WDPCP: variants seen among roughly 807,000 people sequenced by gnomAD.
WDPCP encodes WD repeat-containing and planar cell polarity effector protein fritz homolog.
In WDPCP, 71 loss-of-function variants were observed where a neutral mutation model predicts 93.1. The observed-to-expected ratio is 0.76, with a 90% CI of 0.63 to 0.93. The LOEUF (loss-of-function observed/expected upper bound fraction) is 0.93. WDPCP is among the 40% of genes least tolerant of loss of function. The pLI is 0.00. For synonymous variants in WDPCP, 315 were observed against 315.0 expected, an observed-to-expected ratio of 1.00 and a Z score of 0.00; for missense variants, 844 against 887.4, an observed-to-expected ratio of 0.95 and a Z score of 0.62.
intron 13 of WDPCP, among the ~76,000 whole-genome samples, chr2:63,269,288 T>G (rs1271431725): frequency 6.6e-6 from 1 of 152,202 alleles, no homozygotes. Context: ...AATGACAATT[T>G]TATAATTTAT....
chr2:63,629,066 G>T (rs558615240), intron 3 of WDPCP, among the ~76,000 whole-genome samples: 1 of 152,298 alleles, frequency 6.6e-6, no homozygotes, highest in East Asian at 1.9e-4. Context: ...GAGTAACATG[G>T]TGGTGAGTTC....
At chr2:63,568,098 T>C (rs990393103) in intron 1 of WDPCP, among the ~76,000 whole-genome samples, 1 of 152,166 alleles carries the variant, frequency 6.6e-6, no homozygotes. Context: ...CACTTACATA[T>C]ATTAATTCAA....
At chr2:63,412,842 A>G (rs1314217774) in intron 9 of WDPCP, among the ~76,000 whole-genome samples, 2 of 152,166 alleles carry the variant, frequency 1.3e-5, no homozygotes, top group Admixed American at 6.5e-5. Flanking sequence ...TACGAGGAAA[A>G]TTATAAAACA....
chr2:63,588,392 AG>A lies in WDPCP; in HGVS notation c.-122del, dbSNP rs1358302037. 8.4e-7 allele frequency: 1 copy of A among 1,191,436 alleles called. No homozygotes were observed. Among genetic ancestry groups the A allele is most frequent in the Admixed American group, 2.0e-5 (1 of 50,534 alleles). 73.8% of individuals were successfully genotyped at this position (1,191,436 alleles called of 1,614,324 possible). On this transcript the variant is annotated 5_prime_UTR_variant, in exon 1 of 18. Coordinates refer to ENST00000272321, the MANE Select transcript of WDPCP (RefSeq NM_015910.7). ...CCGCCGCCGCCGCCACAGTTTCCTCAGGTGCTACAAAGCAGCCAGGGTGTGC... is the reference window on the plus strand; with the variant it reads ...CCGCCGCCGCCGCCACAGTTTCCTCAGTGCTACAAAGCAGCCAGGGTGTGC...
intron 2 of WDPCP, among the ~76,000 whole-genome samples, chr2:63,678,125 A>G (rs1197998523): frequency 2.0e-5 from 3 of 152,128 alleles, no homozygotes; most frequent in Admixed American, 6.5e-5. Flanking sequence ...TGCCAAATCT[A>G]TGGTATTTGC....
intron 3 of WDPCP, among the ~76,000 whole-genome samples, chr2:63,616,686 T>A (rs2106633794): frequency 1.3e-5 from 2 of 152,208 alleles, no homozygotes; most frequent in South Asian, 4.1e-4. Flanking sequence ...TATATTAGAA[T>A]GCAAATAAGT....
intron 17 of WDPCP, among the ~76,000 whole-genome samples, chr2:63,133,247 C>G (rs1029430098): frequency 6.6e-6 from 1 of 152,114 alleles, no homozygotes; most frequent in South Asian, 2.1e-4. Context: ...TAATCTTTTG[C>G]CCCAGGAATC....
At chr2:63,273,334 TA>T (rs1163695576) in intron 13 of WDPCP, among the ~76,000 whole-genome samples, 2 of 149,708 alleles carry the variant, frequency 1.3e-5, no homozygotes, top group Admixed American at 6.6e-5. Context: ...AGACACACAA[TA>T]AGAGAAAGGA....
At chr2:63,145,884 G>A (rs891148712) in intron 17 of WDPCP, among the ~76,000 whole-genome samples, 1 of 152,084 alleles carries the variant, frequency 6.6e-6, no homozygotes, top group Admixed American at 6.6e-5. Flanking sequence ...TGATTTCCTT[G>A]AGCAGTGTTT....
intron 12 of WDPCP, among the ~76,000 whole-genome samples, chr2:63,323,769 T>C (rs181772681): frequency 1.3e-5 from 2 of 152,274 alleles, no homozygotes; most frequent in East Asian, 3.9e-4. Context: ...GTGCAGGTTT[T>C]CGAGAATGCG....
intron 6 of WDPCP, among the ~76,000 whole-genome samples, chr2:63,479,089 A>ACT (rs1700125839): frequency 6.6e-6 from 1 of 152,056 alleles, no homozygotes; most frequent in Non-Finnish European, 1.5e-5. Context: ...AAAACCTAGA[A>ACT]GAGACGGATA....
At chr2:63,400,977 C>T (rs1259118957) in intron 10 of WDPCP, among the ~76,000 whole-genome samples, 2 of 152,042 alleles carry the variant, frequency 1.3e-5, no homozygotes, top group African/African-American at 4.8e-5. Flanking sequence ...TTCCTTATAC[C>T]TTACACAAAA....
At chr2:63,141,858 T>G (rs1388759552) in intron 17 of WDPCP, among the ~76,000 whole-genome samples, 1 of 152,188 alleles carries the variant, frequency 6.6e-6, no homozygotes, top group Non-Finnish European at 1.5e-5. Context: ...TGATTTAAGC[T>G]AGAAGGGCTG....
chr2:63,607,594 G>A (rs971790360), intron 3 of WDPCP, among the ~76,000 whole-genome samples: 3 of 151,728 alleles, frequency 2.0e-5, no homozygotes, highest in South Asian at 2.1e-4. Context: ...ACTTTGGGAG[G>A]CAGAGGCGGG....
intron 14 of WDPCP, among the ~76,000 whole-genome samples, chr2:63,199,700 T>G (rs1213848238): frequency 1.3e-5 from 2 of 152,218 alleles, no homozygotes; most frequent in Non-Finnish European, 2.9e-5. Flanking sequence ...CATGGAGAAC[T>G]TCTACTACAG....
chr2:63,449,702 G>C (rs1372775990), intron 6 of WDPCP, among the ~76,000 whole-genome samples: 1 of 152,078 alleles, frequency 6.6e-6, no homozygotes, highest in Non-Finnish European at 1.5e-5. Context: ...CACTACACCA[G>C]ACAGAAAACT....
At chr2:63,766,475 G>A (rs918679987) in intron 2 of WDPCP, among the ~76,000 whole-genome samples, 9 of 151,412 alleles carry the variant, frequency 5.9e-5, no homozygotes, top group Non-Finnish European at 1.3e-4. Context: ...GACTATAGGC[G>A]TGTACTACCA....
intron 3 of WDPCP, among the ~76,000 whole-genome samples, chr2:63,619,953 G>A (rs975724468): frequency 6.6e-6 from 1 of 152,206 alleles, no homozygotes; most frequent in Non-Finnish European, 1.5e-5. Context: ...AAGGTAAGCC[G>A]TGAGGGACTG....
At chr2:63,803,203 A>G (rs1275231776) in intron 2 of WDPCP, among the ~76,000 whole-genome samples, 1 of 152,236 alleles carries the variant, frequency 6.6e-6, no homozygotes. Context: ...TCACTTTGAC[A>G]TTCATACTCT....
Sources: allele counts gnomAD v4.1 joint callset (sites outside exome capture counted in the v4.1 genomes callset), GRCh38; gene constraint gnomAD v4.1.1; transcripts MANE v1.5; gene names NCBI Gene and HGNC (gene_info 2026-07-23, HGNC 2026-07-21).